The following LRIG1 variants were observed in gnomAD, a reference collection of about 807,000 sequenced individuals.
The protein encoded by LRIG1 is leucine-rich repeats and immunoglobulin-like domains protein 1.
Under a neutral mutation model 99.2 loss-of-function variants are expected in LRIG1, and 48 were observed. The ratio of observed to expected loss-of-function variants is 0.48; its 90% CI spans 0.38 to 0.62. LRIG1 has a LOEUF of 0.62. Ranked by LOEUF, LRIG1 falls within the 20% of genes least tolerant of loss-of-function variation. The pLI is 0.00. For synonymous variants in LRIG1, 772 were observed against 596.1 expected (o/e 1.29, Z -4.30); for missense variants, 1,646 against 1,434.4 (o/e 1.15, Z -2.38).
intron 3 of LRIG1, among the ~76,000 whole-genome samples, chr3:66,425,574 A>G (rs1329055416): frequency 6.6e-6 from 1 of 152,202 alleles, no homozygotes; most frequent in African/African-American, 2.4e-5. Flanking sequence ...GTTTACAAAA[A>G]AGGGTGAGGA....
chr3:66,413,045 G>C, intron 5 of LRIG1, 31 bp from the exon 6 acceptor site: 1 of 1,613,724 alleles, frequency 6.2e-7, no homozygotes, highest in South Asian at 1.1e-5. Flanking sequence ...GGGTCAGAGT[G>C]TCTTATGTGC....
rs1306076895 is a variant in LRIG1 at position 66,384,122 on chromosome 3, C to T, written c.1940G>A (p.Arg647His). 1.9e-6 allele frequency: 3 copies of T among 1,614,106 alleles called. No homozygotes were observed. The highest frequency in any genetic ancestry group is 2.7e-5 in the African/African-American group (2 of 74,938). ...GTDFPAARER[R>H]MHVMPDDDVF... ...GTCGTCATCCGGCATGACATGCATG[C>T]GTCGCTCACGGGCAGCGGGGAAATC... Residue 647 changes from arginine to histidine, a missense_variant, in exon 14 of 19, where the codon CGC becomes CAC. By Grantham distance (29) the Arg-to-His change is conservative (BLOSUM62 0). Coordinates refer to ENST00000273261, the MANE Select transcript of LRIG1 (RefSeq NM_015541.3).
At chr3:66,495,066 A>G (rs536938474) in intron 1 of LRIG1, among the ~76,000 whole-genome samples, 85 of 152,300 alleles carry the variant, frequency 5.6e-4, no homozygotes, top group African/African-American at 1.9e-3. Context: ...GTTTCTTACC[A>G]ATTTCCACAC....
At chr3:66,456,082 C>T (rs545869888) in intron 2 of LRIG1, among the ~76,000 whole-genome samples, 60 of 152,192 alleles carry the variant, frequency 3.9e-4, no homozygotes, top group Non-Finnish European at 8.1e-4. Context: ...ATGTTTAAAT[C>T]AGACATATCT....
In LRIG1 at chr3:66,483,814, G is replaced by A. The variant is rs11922387; in HGVS notation, c.218+16376C>T. 4.1e-3 allele frequency among the ~76,000 whole-genome samples: 611 copies of A among 150,422 alleles called. 3 individuals are homozygous for A. Among genetic ancestry groups the A allele is most frequent in the African/African-American group, 0.015 (587 of 39,750 alleles). ...TGGGAAGGGCACCGCGGGCTCCCTC[G>A]CCAAACGCAACACAGAGGAGAGCGC... On this transcript the variant is annotated intron_variant, in intron 1 of 18. Coordinates refer to ENST00000273261, the MANE Select transcript of LRIG1 (RefSeq NM_015541.3).
intron 4 of LRIG1, 137 bp from the exon 5 acceptor site, chr3:66,415,200 T>C: frequency 3.6e-6 from 3 of 827,742 alleles, no homozygotes; most frequent in Non-Finnish European, 5.4e-6. Context: ...GTGAGATGTT[T>C]ATCAGCCACA....
At chr3:66,454,942 T>C (rs926046616) in intron 2 of LRIG1, among the ~76,000 whole-genome samples, 6 of 152,192 alleles carry the variant, frequency 3.9e-5, no homozygotes, top group Non-Finnish European at 7.3e-5. Flanking sequence ...ATGCAGAAAT[T>C]GTGCTTGTCT....
At chr3:66,389,668 A>C (rs1479263616) in intron 12 of LRIG1, among the ~76,000 whole-genome samples, 2 of 152,202 alleles carry the variant, frequency 1.3e-5, no homozygotes, top group African/African-American at 4.8e-5. Flanking sequence ...GCGCCACAAA[A>C]CATAAAATCT....
At chr3:66,465,684 T>C (rs1700458372) in intron 1 of LRIG1, among the ~76,000 whole-genome samples, 1 of 152,110 alleles carries the variant, frequency 6.6e-6, no homozygotes, top group African/African-American at 2.4e-5. Flanking sequence ...ATTTTTTTAA[T>C]GTGGTAAAAT....
chr3:66,444,930 T>C (rs147443049), intron 3 of LRIG1, among the ~76,000 whole-genome samples: 4 of 151,532 alleles, frequency 2.6e-5, no homozygotes, highest in African/African-American at 9.7e-5. Context: ...TATATATACA[T>C]ATATACACAT....
At position 66,383,225 on chromosome 3, in the gene LRIG1, C is replaced by A. The variant is rs771135860; in HGVS notation, c.2248G>T (p.Val750Phe). The part of the protein sequence containing the change: ...HLTPDNQLLV[V>F]QNVVAEDAGR... ...GCATCCTCTGCCACCACGTTCTGAA[C>A]CACCAGGAGCTGGTTGTCAGGGGTC... The change falls in exon 15 of 19, where the codon GTT (valine) becomes TTT (phenylalanine). Residue 750 changes from valine to phenylalanine, a missense_variant. By Grantham distance (50) the Val-to-Phe change is conservative. Transcript: ENST00000273261. 5 of 1,614,108 alleles carry A rather than the reference C, an allele frequency of 3.1e-6. No homozygotes were observed. In the Admixed American group the frequency reaches 6.7e-5, roughly 22 times the overall value.
chr3:66,383,504 C>T, intron 14 of LRIG1, 103 bp from the exon 15 acceptor site: 2 of 1,037,100 alleles, frequency 1.9e-6, no homozygotes, highest in Admixed American at 2.5e-5. Flanking sequence ...CAATGAGATG[C>T]ATCTGAGATT....
intron 4 of LRIG1, 107 bp from the exon 5 acceptor site, chr3:66,415,170 AC>A: frequency 8.9e-7 from 1 of 1,128,494 alleles, no homozygotes; most frequent in Non-Finnish European, 1.2e-6. Flanking sequence ...GAGTTAAGAC[AC>A]CAGAGGGACA....
chr3:66,486,710 T>C (rs1212734006), intron 1 of LRIG1, among the ~76,000 whole-genome samples: 4 of 152,244 alleles, frequency 2.6e-5, no homozygotes, highest in Non-Finnish European at 5.9e-5. Flanking sequence ...TGTATGGACA[T>C]GTCTATTTTA....
At chr3:66,409,840 C>T in intron 7 of LRIG1, 1 of 308,368 alleles carries the variant, frequency 3.2e-6, no homozygotes. Flanking sequence ...GAACTGTCTC[C>T]AAACCCAACA....
At chr3:66,404,949 C>T (rs1702206877) in intron 9 of LRIG1, among the ~76,000 whole-genome samples, 1 of 152,200 alleles carries the variant, frequency 6.6e-6, no homozygotes, top group African/African-American at 2.4e-5. Context: ...AGAGAAGCTC[C>T]ACCAGCCGCC....
intron 3 of LRIG1, among the ~76,000 whole-genome samples, chr3:66,439,376 A>G (rs534931984): frequency 6.6e-6 from 1 of 152,356 alleles, no homozygotes; most frequent in Non-Finnish European, 1.5e-5. Flanking sequence ...TAAAAAGTCC[A>G]AGGGGAATTT....
intron 1 of LRIG1, among the ~76,000 whole-genome samples, chr3:66,468,494 C>T (rs764650320): frequency 6.6e-6 from 1 of 152,178 alleles, no homozygotes; most frequent in Non-Finnish European, 1.5e-5. Context: ...TTACTCAATT[C>T]TGTCTGGACT....
rs143895998 is a variant in LRIG1 at position 66,415,693 on chromosome 3, G to A, written c.504-630C>T. ...GCGTGATTAAGTCGGGGCATCTCCCGTGACAATACAAAAAGGCAGACACCG... is the reference window on the plus strand; with the variant it reads ...GCGTGATTAAGTCGGGGCATCTCCCATGACAATACAAAAAGGCAGACACCG... On this transcript the variant is annotated intron_variant, in intron 4 of 18. Transcript: ENST00000273261. 4.0e-3 allele frequency among the ~76,000 whole-genome samples: 608 copies of A among 152,266 alleles called. 5 individuals carry two copies. The highest frequency in any genetic ancestry group is 0.014 in the African/African-American group (578 of 41,570).
Sources: gnomAD v4.1 joint callset for allele counts (sites outside exome capture counted in the v4.1 genomes callset) on GRCh38, gnomAD v4.1.1 for gene constraint, MANE v1.5 for transcripts, NCBI Gene and HGNC (gene_info 2026-07-23, HGNC 2026-07-21) for gene names.